The following CADPS2 variants were observed in gnomAD, a reference collection of about 807,000 sequenced individuals.
The protein encoded by CADPS2 is calcium-dependent secretion activator 2.
Under a neutral mutation model 172.5 loss-of-function variants are expected in CADPS2, and 93 were observed. That is an observed-to-expected ratio of 0.54 (90% confidence interval 0.46 to 0.64). The LOEUF is 0.64. Among genes scored for constraint, CADPS2 ranks in the 30% least tolerant of loss-of-function variants. The pLI is 0.00. For missense variants in CADPS2, 1,420 were observed against 1,565.9 expected, an observed-to-expected ratio of 0.91 and a Z score of 1.57; for synonymous variants, 546 against 555.2, an observed-to-expected ratio of 0.98 and a Z score of 0.23.
At chr7:122,546,896 T>C (rs1487561924) in intron 8 of CADPS2, among the ~76,000 whole-genome samples, 1 of 152,120 alleles carries the variant, frequency 6.6e-6, no homozygotes, top group African/African-American at 2.4e-5. Flanking sequence ...TTTTCATGAA[T>C]TATTTTTGAG....
chr7:122,461,618 T>TG (rs1204781139), intron 14 of CADPS2, among the ~76,000 whole-genome samples: 1 of 152,150 alleles, frequency 6.6e-6, no homozygotes, highest in Non-Finnish European at 1.5e-5. Flanking sequence ...TTTTTTAAGA[T>TG]GGAGTCTCGC....
chr7:122,574,833 A>C (rs1351916077), intron 7 of CADPS2, among the ~76,000 whole-genome samples: 1 of 152,192 alleles, frequency 6.6e-6, no homozygotes, highest in Non-Finnish European at 1.5e-5. Flanking sequence ...ACTGAGTGAA[A>C]GGTGGTTAGA....
chr7:122,600,641 C>T (rs899919137), intron 6 of CADPS2, among the ~76,000 whole-genome samples: 18 of 152,164 alleles, frequency 1.2e-4, no homozygotes, highest in African/African-American at 4.3e-4. Flanking sequence ...AGGGTATATG[C>T]TTAACAAAAA....
At chr7:122,645,330 T>C (rs1206516114) in intron 3 of CADPS2, among the ~76,000 whole-genome samples, 11 of 91,226 alleles carry the variant, frequency 1.2e-4, no homozygotes, top group Admixed American at 3.1e-4. Flanking sequence ...CATGTACATA[T>C]ATACACACAT....
chr7:122,818,933 A>T (rs888173812), intron 1 of CADPS2, among the ~76,000 whole-genome samples: 1 of 152,224 alleles, frequency 6.6e-6, no homozygotes, highest in Non-Finnish European at 1.5e-5. Flanking sequence ...AGGCCGTCTT[A>T]TTCTCAAAAT....
chr7:122,684,708 T>G (rs2083443179), intron 2 of CADPS2, among the ~76,000 whole-genome samples: 1 of 152,044 alleles, frequency 6.6e-6, no homozygotes, highest in Non-Finnish European at 1.5e-5. Flanking sequence ...AACAAGGAAG[T>G]TGGGAGGAAA....
At chr7:122,631,649 A>C (rs1003012661) in intron 3 of CADPS2, among the ~76,000 whole-genome samples, 2 of 152,128 alleles carry the variant, frequency 1.3e-5, no homozygotes, top group African/African-American at 4.8e-5. Context: ...AAAACAAAAC[A>C]AAACCAAAAA....
intron 1 of CADPS2, among the ~76,000 whole-genome samples, chr7:122,787,421 A>G (rs1310751571): frequency 6.6e-6 from 1 of 152,304 alleles, no homozygotes; most frequent in South Asian, 2.1e-4. Flanking sequence ...CTCTCATTCT[A>G]TCTTTCTCTT....
At chr7:122,643,779 G>A (rs1329963233) in intron 3 of CADPS2, among the ~76,000 whole-genome samples, 3 of 151,954 alleles carry the variant, frequency 2.0e-5, no homozygotes, top group Admixed American at 1.3e-4. Context: ...GTGAGGGGAG[G>A]AAGCAAGTGA....
chr7:122,321,047 G>C (rs1337310441), intron 29 of CADPS2, among the ~76,000 whole-genome samples: 1 of 152,096 alleles, frequency 6.6e-6, no homozygotes, highest in Non-Finnish European at 1.5e-5. Context: ...CAAAAATAGA[G>C]TACCATGTTA....
intron 14 of CADPS2, among the ~76,000 whole-genome samples, chr7:122,456,151 T>C (rs2152070516): frequency 6.6e-6 from 1 of 152,192 alleles, no homozygotes; most frequent in South Asian, 2.1e-4. Flanking sequence ...GTGTTTAATT[T>C]TATTTTAATT....
At chr7:122,401,364 C>T (rs1222457414) in intron 20 of CADPS2, among the ~76,000 whole-genome samples, 1 of 152,146 alleles carries the variant, frequency 6.6e-6, no homozygotes, top group South Asian at 2.1e-4. Flanking sequence ...AACCAGTTCC[C>T]AATAGAATGG....
intron 1 of CADPS2, among the ~76,000 whole-genome samples, chr7:122,840,485 A>C (rs925700924): frequency 6.6e-6 from 1 of 151,888 alleles, no homozygotes; most frequent in East Asian, 1.9e-4. Context: ...ACTCACATAT[A>C]TCCTTTCAAA....
intron 8 of CADPS2, among the ~76,000 whole-genome samples, chr7:122,516,485 C>T (rs1457763438): frequency 1.3e-5 from 2 of 152,080 alleles, no homozygotes; most frequent in East Asian, 1.9e-4. Context: ...CTGCACTGAG[C>T]TATGACCATG....
At chr7:122,444,326 A>G (rs2051818962) in intron 15 of CADPS2, among the ~76,000 whole-genome samples, 1 of 152,132 alleles carries the variant, frequency 6.6e-6, no homozygotes, top group African/African-American at 2.4e-5. Context: ...GAAAATACCT[A>G]GGAATGGAAT....
At chr7:122,751,796 G>C (rs1163802926) in intron 1 of CADPS2, among the ~76,000 whole-genome samples, 3 of 152,162 alleles carry the variant, frequency 2.0e-5, no homozygotes, top group Admixed American at 2.0e-4. Context: ...CTGCTACGCA[G>C]TGAAATGCTG....
chr7:122,542,628 T>C (rs1304292119), intron 8 of CADPS2, among the ~76,000 whole-genome samples: 1 of 152,184 alleles, frequency 6.6e-6, no homozygotes, highest in Non-Finnish European at 1.5e-5. Context: ...TTTTCAACTG[T>C]AACATTACTT....
At chr7:122,512,453 G>A (rs939130929) in intron 9 of CADPS2, among the ~76,000 whole-genome samples, 23 of 152,086 alleles carry the variant, frequency 1.5e-4, no homozygotes, top group African/African-American at 5.3e-4. Context: ...TACTTAGAAG[G>A]GTATTCTTTA....
chr7:122,799,901 G>T (rs1037327636), intron 1 of CADPS2, among the ~76,000 whole-genome samples: 2 of 152,120 alleles, frequency 1.3e-5, no homozygotes, highest in African/African-American at 4.8e-5. Flanking sequence ...CTCAAATCAG[G>T]TGGTGTAAAT....
Sources: gnomAD v4.1 joint callset for allele counts (sites outside exome capture counted in the v4.1 genomes callset) on GRCh38, gnomAD v4.1.1 for gene constraint, MANE v1.5 for transcripts, NCBI Gene and HGNC (gene_info 2026-07-23, HGNC 2026-07-21) for gene names.